The following ABCD3 variants were observed in gnomAD, a reference collection of about 807,000 sequenced individuals.
ABCD3 encodes the protein ATP binding cassette subfamily D member 3.
A neutral mutation model predicts 105.5 loss-of-function variants in ABCD3; 41 were observed. The observed-to-expected ratio is 0.39, with a 90% CI of 0.30 to 0.50. The LOEUF (loss-of-function observed/expected upper bound fraction) is 0.50. Among genes scored for constraint, ABCD3 ranks in the 20% least tolerant of loss-of-function variants. The probability of loss-of-function intolerance (pLI) is 0.84; values close to 1 mark genes in which losing one functional copy is unlikely to be tolerated. For synonymous variants in ABCD3, 258 were observed against 269.0 expected, an observed-to-expected ratio of 0.96 and a Z score of 0.40; for missense variants, 622 against 806.3, an observed-to-expected ratio of 0.77 and a Z score of 2.77.
At chr1:94,491,349 C>T in intron 16 of ABCD3, 102 bp downstream of exon 16, 1 of 853,084 alleles carries the variant, frequency 1.2e-6, no homozygotes, top group Non-Finnish European at 1.9e-6. Context: ...TCGACTTAGT[C>T]TCTGAATCCA....
the ABCD3 span, among the ~76,000 whole-genome samples, chr1:94,402,132 CT>C: frequency 6.6e-6 from 1 of 152,152 alleles, no homozygotes; most frequent in Non-Finnish European, 1.5e-5. Flanking sequence ...GCAGTTCTTC[CT>C]TTTTATTGAA....
chr1:94,391,077 A>G, the ABCD3 span, among the ~76,000 whole-genome samples: 1 of 152,226 alleles, frequency 6.6e-6, no homozygotes, highest in African/African-American at 2.4e-5. Flanking sequence ...AATATTTATC[A>G]TATATCCTTG....
chr1:94,471,806 A>T (rs1648471213), intron 4 of ABCD3, among the ~76,000 whole-genome samples: 1 of 152,074 alleles, frequency 6.6e-6, no homozygotes, highest in South Asian at 2.1e-4. Flanking sequence ...AGATTCATGT[A>T]TTTCTGCTAA....
At chr1:94,424,084 G>C (rs534748847) in intron 1 of ABCD3, among the ~76,000 whole-genome samples, 1 of 152,060 alleles carries the variant, frequency 6.6e-6, no homozygotes, top group Non-Finnish European at 1.5e-5. Flanking sequence ...AGCAACCTTG[G>C]ATGGAAAAAA....
the ABCD3 span, among the ~76,000 whole-genome samples, chr1:94,411,093 C>T: frequency 1.3e-5 from 2 of 151,888 alleles, no homozygotes; most frequent in African/African-American, 2.4e-5. Context: ...AGGTATGACA[C>T]CAAAAGCATA....
chr1:94,406,934 T>A, the ABCD3 span: 2 of 153,082 alleles, frequency 1.3e-5, no homozygotes, highest in African/African-American at 2.4e-5. Context: ...TATAGTATGT[T>A]TCACTATCTA....
intron 4 of ABCD3, among the ~76,000 whole-genome samples, chr1:94,471,212 A>T (rs959107777): frequency 6.6e-6 from 1 of 152,112 alleles, no homozygotes; most frequent in Non-Finnish European, 1.5e-5. Context: ...TTTCTGAACC[A>T]TTTTTTAAAA....
chr1:94,479,886 TA>T (rs1398074804), intron 8 of ABCD3, among the ~76,000 whole-genome samples: 1 of 152,072 alleles, frequency 6.6e-6, no homozygotes, highest in Non-Finnish European at 1.5e-5. Context: ...ACAAAGTTAT[TA>T]ATACATAGTA....
intron 21 of ABCD3, 60 bp from the exon 22 acceptor site, chr1:94,515,086 G>A (rs1290870666): frequency 5.5e-6 from 7 of 1,283,084 alleles, no homozygotes; most frequent in Non-Finnish European, 7.9e-6. Flanking sequence ...TAAAGTACAT[G>A]GACTAGTTTA....
chr1:94,435,888 TACA>T (rs1235961464), intron 1 of ABCD3, among the ~76,000 whole-genome samples: 14 of 152,344 alleles, frequency 9.2e-5, no homozygotes, highest in African/African-American at 3.4e-4. Flanking sequence ...TTCAGTTTAT[TACA>T]GCTCTTGTCC....
Position 94,517,193 on chromosome 1 carries a change from GT to G in ABCD3, c.*65del. 2.5e-6 allele frequency: 3 copies of G among 1,203,580 alleles called. No homozygotes were observed. The East Asian group carries it at 7.1e-5, about 29-fold the overall frequency. 74.6% of individuals were successfully genotyped at this position (1,203,580 alleles called of 1,614,324 possible). A position where few individuals can be genotyped will look rare whatever the true frequency, so the allele number is the denominator to read the frequency against. On this transcript the variant is annotated 3_prime_UTR_variant, in exon 23 of 23. Coordinates refer to ENST00000370214, the MANE Select transcript of ABCD3 (RefSeq NM_002858.4). ...TACAGAATATACTTAGAAAGGCAAA[GT>G]ACATTGTAAAATAAAGTTGAGCTTA...
At position 94,418,421 on chromosome 1, in the gene ABCD3, A is replaced by AGCCGCCGCCGCC. The variant is rs527684035; in HGVS notation, c.-46_-35dup. The AGCCGCCGCCGCC allele has an allele frequency of 7.9e-3, 11,096 of 1,405,096 alleles. 51 individuals are homozygous for AGCCGCCGCCGCC. The highest frequency in any genetic ancestry group is 9.5e-3 in the Non-Finnish European group (9,795 of 1,027,656). 87.0% of individuals were successfully genotyped at this position (1,405,096 alleles called of 1,614,324 possible). A position where few individuals can be genotyped will look rare whatever the true frequency, so the allele number is the denominator to read the frequency against. On this transcript the variant is annotated 5_prime_UTR_variant, in exon 1 of 23. Coordinates refer to ENST00000370214, the MANE Select transcript of ABCD3 (RefSeq NM_002858.4). ...TCCCCCGCGCTGCGTGCAGTAAGGT[A>AGCCGCCGCCGCC]GCCGCCGCCGCCGCCGCCGCCGCGT...
intron 16 of ABCD3, among the ~76,000 whole-genome samples, chr1:94,496,451 TTGTGTGTG>T (rs57988079): frequency 2.7e-4 from 41 of 149,324 alleles, no homozygotes; most frequent in Non-Finnish European, 3.9e-4. Context: ...TGCCATTTCA[TTGTGTGTG>T]TGTGTGTGTG....
chr1:94,478,217 G>C (rs750448429), intron 7 of ABCD3, 42 bp from the exon 8 acceptor site: 1 of 1,187,812 alleles, frequency 8.4e-7, no homozygotes, highest in Non-Finnish European at 1.3e-6. Flanking sequence ...TCATTCTAGT[G>C]CTTTAGTTTT....
At chr1:94,511,613 T>C (rs957643107) in intron 21 of ABCD3, among the ~76,000 whole-genome samples, 1 of 152,168 alleles carries the variant, frequency 6.6e-6, no homozygotes, top group Non-Finnish European at 1.5e-5. Flanking sequence ...ATTCTCCCCG[T>C]CACTTTCAGG....
the ABCD3 span, among the ~76,000 whole-genome samples, chr1:94,392,547 G>T: frequency 1.3e-5 from 2 of 152,174 alleles, no homozygotes; most frequent in Admixed American, 1.3e-4. Flanking sequence ...ATGATTGCTT[G>T]TTATACGGGT....
chr1:94,390,360 T>C, the ABCD3 span, among the ~76,000 whole-genome samples: 8 of 152,128 alleles, frequency 5.3e-5, no homozygotes, highest in African/African-American at 1.9e-4. Flanking sequence ...TGGAGTATAG[T>C]GGTGTGACCT....
At chr1:94,462,729 T>C (rs1228099516) in intron 2 of ABCD3, among the ~76,000 whole-genome samples, 1 of 152,188 alleles carries the variant, frequency 6.6e-6, no homozygotes, top group Admixed American at 6.5e-5. Flanking sequence ...TGGTCCTCTG[T>C]TTAACTCAGA....
At chr1:94,416,830 CT>C (rs560627078), upstream of ABCD3, among the ~76,000 whole-genome samples, 128 of 152,308 alleles carry the variant, frequency 8.4e-4, no homozygotes, top group South Asian at 8.5e-3. Context: ...CATTCCTGCC[CT>C]ATACCCAGAA....
Sources: allele counts gnomAD v4.1 joint callset (sites outside exome capture counted in the v4.1 genomes callset), GRCh38; gene constraint gnomAD v4.1.1; transcripts MANE v1.5; gene names NCBI Gene and HGNC (gene_info 2026-07-23, HGNC 2026-07-21).